The following CCDC7 variants were observed in gnomAD, a reference collection of about 807,000 sequenced individuals.
CCDC7 encodes the protein coiled-coil domain-containing protein 7.
CCDC7 carries 183 observed loss-of-function variants against 196.9 expected under a neutral mutation model. The ratio of observed to expected loss-of-function variants is 0.93; its 90% CI spans 0.82 to 1.05. The LOEUF is 1.05. Among genes scored for constraint, CCDC7 ranks in the 50% least tolerant of loss-of-function variants. The pLI is 0.00. For synonymous variants in CCDC7, 525 were observed against 484.6 expected, an observed-to-expected ratio of 1.08 and a Z score of -1.10; for missense variants, 1,540 against 1,482.2, an observed-to-expected ratio of 1.04 and a Z score of -0.64.
intron 31 of CCDC7, among the ~76,000 whole-genome samples, chr10:32,822,303 T>G (rs796080883): frequency 1.3e-4 from 20 of 152,184 alleles, no homozygotes; most frequent in African/African-American, 4.8e-4. Context: ...TATATAATTG[T>G]ATCATTGGGC....
upstream of CCDC7, among the ~76,000 whole-genome samples, chr10:32,448,144 G>A (rs2031928174): frequency 1.3e-5 from 2 of 152,034 alleles, no homozygotes; most frequent in South Asian, 2.1e-4. Context: ...AAACAAAAAA[G>A]CAGTTGTATA....
intron 13 of CCDC7, among the ~76,000 whole-genome samples, chr10:32,556,688 C>T (rs2054406575): frequency 6.6e-6 from 1 of 152,160 alleles, no homozygotes; most frequent in Admixed American, 6.5e-5. Flanking sequence ...AAGTAAGCAA[C>T]CTTTCTCCTT....
In CCDC7 at chr10:32,711,649, AT is replaced by A; in HGVS notation, c.2489del (p.Met830SerfsTer15). 6.3e-7 allele frequency: 1 copy of A among 1,591,944 alleles called. No homozygotes were observed. The highest frequency in any genetic ancestry group is 8.5e-7 in the Non-Finnish European group (1 of 1,172,506). On this transcript the variant is annotated frameshift_variant, in exon 25 of 42. Transcript: ENST00000639629. LOFTEE classifies it high-confidence loss of function. Reference sequence around the variant, plus strand: ...TGATGAAGAATCAGGTGAAAATCCTATGCTTAAACATCAAGATTCAGTGTCA... The same window carrying A: ...TGATGAAGAATCAGGTGAAAATCCTAGCTTAAACATCAAGATTCAGTGTCA...
At chr10:32,767,308 G>T (rs901065706) in intron 28 of CCDC7, among the ~76,000 whole-genome samples, 1 of 152,012 alleles carries the variant, frequency 6.6e-6, no homozygotes, top group Non-Finnish European at 1.5e-5. Context: ...ACTACGTTTT[G>T]CCTTTTACCT....
intron 29 of CCDC7, among the ~76,000 whole-genome samples, chr10:32,790,240 G>T (rs537869572): frequency 6.6e-6 from 1 of 152,318 alleles, no homozygotes; most frequent in African/African-American, 2.4e-5. Flanking sequence ...TCTATTGGGG[G>T]CTGTCTGTGG....
intron 1 of CCDC7, among the ~76,000 whole-genome samples, chr10:32,452,827 G>A (rs532648184): frequency 6.6e-6 from 1 of 152,234 alleles, no homozygotes; most frequent in African/African-American, 2.4e-5. Flanking sequence ...CTGCAATCCA[G>A]AATTGAATTG....
intron 24 of CCDC7, among the ~76,000 whole-genome samples, chr10:32,708,870 A>C (rs965988038): frequency 6.6e-6 from 1 of 152,156 alleles, no homozygotes; most frequent in Non-Finnish European, 1.5e-5. Context: ...TACACTGCTG[A>C]TGGGACTGTA....
chr10:32,851,869 T>C lies in CCDC7; in HGVS notation c.3958T>C (p.Tyr1320His), dbSNP rs770261476. The C allele has an allele frequency of 3.7e-6, 6 of 1,612,340 alleles. No homozygotes were observed. The African/African-American group carries it at 6.7e-5, about 18-fold the overall frequency. Residue 1320 changes from tyrosine (Y) to histidine (H), a missense_variant, in exon 40 of 42, where the codon TAT becomes CAT. Transcript: ENST00000639629. ...ACCTTCAAAAGCAATTTATAGAACA[T>C]ATAGGGCTGGTCCAAGCTTTTCTAA... is the stretch of plus-strand genomic sequence containing the variant.
At chr10:32,834,971 G>A in intron 33 of CCDC7, 73 bp downstream of exon 34, 1 of 597,202 alleles carries the variant, frequency 1.7e-6, no homozygotes, top group African/African-American at 1.9e-5. Context: ...GATCTTTGAT[G>A]ACAACTGTAG....
rs144898978 is a variant in CCDC7 at position 32,851,785 on chromosome 10, C to T, written c.3896-22C>T. On this transcript the variant is annotated intron_variant, in intron 39 of 41. Transcript: ENST00000639629. ...CAAATGTCATCTATTGTATGGCTAA[C>T]ATATTTTCCAAATTTTTCTAGAGGA... 3.3e-3 allele frequency: 5,273 copies of T among 1,603,322 alleles called. 9 individuals are homozygous for T. Among genetic ancestry groups the T allele is most frequent in the Non-Finnish European group, 4.1e-3 (4,790 of 1,173,686 alleles).
chr10:32,485,640 A>G (rs1218238539), intron 8 of CCDC7, among the ~76,000 whole-genome samples: 1 of 152,208 alleles, frequency 6.6e-6, no homozygotes, highest in Non-Finnish European at 1.5e-5. Flanking sequence ...ATTTAGTGCT[A>G]TAAATTTCCC....
At chr10:32,798,087 A>C (rs10827134) in intron 29 of CCDC7, among the ~76,000 whole-genome samples, 13,459 of 152,292 alleles carry the variant, frequency 0.088, 868 homozygotes, top group East Asian at 0.33. Flanking sequence ...CCATGAGTCC[A>C]TGGATAGTAG....
At chr10:32,559,564 T>C (rs1056230572) in intron 13 of CCDC7, among the ~76,000 whole-genome samples, 1 of 152,228 alleles carries the variant, frequency 6.6e-6, no homozygotes, top group African/African-American at 2.4e-5. Context: ...AGGTAGACGG[T>C]CTGGAGTGGA....
rs1340852141 is a variant in CCDC7, at chr10:32,506,664, C to A, written c.873-11281C>A. Among the ~76,000 whole-genome samples the A allele has an allele frequency of 5.3e-5, 8 of 152,298 alleles. No homozygotes were observed. In the South Asian group the frequency reaches 6.2e-4, roughly 12 times the overall value. ...GCCAGGAGCTGGAGACCAGCCCAGT[C>A]AACACGGCGAAACCCCATCTCCACC... On this transcript the variant is annotated intron_variant, in intron 9 of 41. Coordinates refer to ENST00000639629, the Ensembl canonical transcript of CCDC7.
chr10:32,787,537 G>A (rs2082063143), intron 29 of CCDC7, among the ~76,000 whole-genome samples: 1 of 152,190 alleles, frequency 6.6e-6, no homozygotes, highest in South Asian at 2.1e-4. Context: ...AGCACAGTGT[G>A]GAGAGAGATA....
chr10:32,487,879 G>A (rs2990976), intron 8 of CCDC7, among the ~76,000 whole-genome samples: 20,999 of 152,216 alleles, frequency 0.14, 1,758 homozygotes, highest in East Asian at 0.25. Context: ...GCCATGTGAA[G>A]TGTCAGTCTG....
chr10:32,862,722 A>T (rs1187111450), intron 41 of CCDC7, among the ~76,000 whole-genome samples: 2 of 152,132 alleles, frequency 1.3e-5, no homozygotes, highest in Non-Finnish European at 2.9e-5. Context: ...TTGGATTGCA[A>T]CCAAATCAGA....
At position 32,824,662 on chromosome 10, in the gene CCDC7, G is replaced by C. The variant is rs530527691; in HGVS notation, c.3268+58G>C. Reference sequence around the variant, plus strand: ...GTTTCCTATCTTCTCTGGAGTTTAAGTATGTATCTCTAATGACAACAGTAC... The same window carrying C: ...GTTTCCTATCTTCTCTGGAGTTTAACTATGTATCTCTAATGACAACAGTAC... On this transcript the variant is annotated intron_variant, in intron 32 of 41. Coordinates refer to ENST00000639629, the Ensembl canonical transcript of CCDC7. 4.4e-4 allele frequency: 508 copies of C among 1,158,000 alleles called. 3 individuals carry two copies. The highest frequency in any genetic ancestry group is 4.1e-3 in the African/African-American group (264 of 65,000). The allele number at this position is 1,158,000 out of a possible 1,614,324, so 71.7% of individuals were successfully genotyped here.
At chr10:32,694,444 A>G (rs1051806500) in intron 23 of CCDC7, among the ~76,000 whole-genome samples, 6 of 152,242 alleles carry the variant, frequency 3.9e-5, no homozygotes, top group Admixed American at 2.0e-4. Context: ...ACAGTTTCCA[A>G]GATTCTATCA....
Sources: gnomAD v4.1 joint callset for allele counts (sites outside exome capture counted in the v4.1 genomes callset) on GRCh38, gnomAD v4.1.1 for gene constraint, MANE v1.5 for transcripts, NCBI Gene and HGNC (gene_info 2026-07-23, HGNC 2026-07-21) for gene names.